The following ZC3H12B variants were observed in gnomAD, a reference collection of about 807,000 sequenced individuals.
The protein encoded by ZC3H12B is probable ribonuclease ZC3H12B.
ZC3H12B carries 7 observed loss-of-function variants against 43.9 expected under a neutral mutation model. The ratio of observed to expected loss-of-function variants is 0.16; its 90% CI spans 0.09 to 0.30. The LOEUF (loss-of-function observed/expected upper bound fraction) is 0.30. Ranked by LOEUF, ZC3H12B falls within the 10% of genes least tolerant of loss-of-function variation. The probability of loss-of-function intolerance (pLI) is 1.00; values close to 1 mark genes in which losing one functional copy is unlikely to be tolerated. For missense variants in ZC3H12B, 475 were observed against 670.2 expected (o/e 0.71, Z 3.22); for synonymous variants, 222 against 241.7 (o/e 0.92, Z 0.76).
At chrX:65,338,421 T>C in the ZC3H12B span, among the ~76,000 whole-genome samples, 1 of 111,975 alleles carries the variant, frequency 8.9e-6, no homozygotes, top group Non-Finnish European at 1.9e-5. Flanking sequence ...CACAGTTGAA[T>C]TCCATTAGAC....
chrX:65,295,938 A>G, the ZC3H12B span, among the ~76,000 whole-genome samples: 3 of 111,641 alleles, frequency 2.7e-5, no homozygotes, highest in Non-Finnish European at 5.7e-5. Flanking sequence ...AAATATATCC[A>G]GAAAGGGTGT....
At chrX:65,159,402 A>G in the ZC3H12B span, among the ~76,000 whole-genome samples, 1 of 111,930 alleles carries the variant, frequency 8.9e-6, no homozygotes, top group African/African-American at 3.2e-5. Context: ...ACCCATGAGC[A>G]TGGAATGTTC....
the ZC3H12B span, among the ~76,000 whole-genome samples, chrX:65,154,808 A>T: frequency 1.8e-5 from 2 of 111,812 alleles, no homozygotes; most frequent in Non-Finnish European, 3.8e-5. Flanking sequence ...TTACCACTGC[A>T]CTCCATCCTG....
chrX:65,118,870 A>G, the ZC3H12B span, among the ~76,000 whole-genome samples: 1 of 98,803 alleles, frequency 1.0e-5, no homozygotes, highest in East Asian at 3.4e-4. Context: ...TCATTGTTCA[A>G]TTCTCACCTA....
At chrX:65,304,534 T>A in the ZC3H12B span, among the ~76,000 whole-genome samples, 1 of 107,887 alleles carries the variant, frequency 9.3e-6, no homozygotes, top group Non-Finnish European at 1.9e-5. Context: ...GAGAATGGCG[T>A]GAACCCGGGA....
the ZC3H12B span, among the ~76,000 whole-genome samples, chrX:65,256,754 G>A: frequency 8.9e-6 from 1 of 111,983 alleles, no homozygotes; most frequent in Admixed American, 9.4e-5. Flanking sequence ...CCAGACGTTG[G>A]TTTGTTGAAA....
the ZC3H12B span, among the ~76,000 whole-genome samples, chrX:65,136,832 C>G: frequency 3.6e-5 from 4 of 111,436 alleles, no homozygotes; most frequent in African/African-American, 1.3e-4. Context: ...TTCATTTGTA[C>G]TTAGCAGGAG....
the ZC3H12B span, among the ~76,000 whole-genome samples, chrX:65,212,596 A>G: frequency 1.2e-5 from 1 of 82,185 alleles, no homozygotes; most frequent in African/African-American, 4.7e-5. Flanking sequence ...ATTATATATA[A>G]TATATAATTA....
At chrX:65,468,598 C>A (rs2067858400) in intron 3 of ZC3H12B, among the ~76,000 whole-genome samples, 2 of 104,694 alleles carry the variant, frequency 1.9e-5, no homozygotes, top group Non-Finnish European at 3.9e-5. Flanking sequence ...ATTCTCCTGC[C>A]TCAGCCTCCT....
At chrX:65,466,081 T>A (rs1309466969) in intron 3 of ZC3H12B, among the ~76,000 whole-genome samples, 1 of 110,552 alleles carries the variant, frequency 9.0e-6, no homozygotes, top group Non-Finnish European at 1.9e-5. Context: ...GTGATATTGT[T>A]GTACATTAGA....
At chrX:65,280,792 A>T in the ZC3H12B span, among the ~76,000 whole-genome samples, 3 of 111,935 alleles carry the variant, frequency 2.7e-5, no homozygotes, top group Admixed American at 9.5e-5. Flanking sequence ...TACAATAGCT[A>T]CCAAAAAAAT....
At chrX:65,188,848 A>T in the ZC3H12B span, among the ~76,000 whole-genome samples, 1 of 106,648 alleles carries the variant, frequency 9.4e-6, no homozygotes, top group Admixed American at 1.0e-4. Context: ...CACATTGTGC[A>T]GGTTAGATAC....
the ZC3H12B span, among the ~76,000 whole-genome samples, chrX:65,301,552 G>A: frequency 9.0e-6 from 1 of 110,803 alleles, no homozygotes; most frequent in African/African-American, 3.3e-5. Flanking sequence ...AATGGCATTT[G>A]CAGAAACCTG....
chrX:65,099,529 G>A, the ZC3H12B span, among the ~76,000 whole-genome samples: 1 of 111,764 alleles, frequency 8.9e-6, no homozygotes, highest in African/African-American at 3.3e-5. Flanking sequence ...CCAGAGGAAG[G>A]AGTAGGCAGC....
the ZC3H12B span, among the ~76,000 whole-genome samples, chrX:65,348,858 A>G: frequency 9.0e-6 from 1 of 111,596 alleles, no homozygotes; most frequent in Non-Finnish European, 1.9e-5. Flanking sequence ...AGGAGCATCA[A>G]GATTCATAGA....
intron 3 of ZC3H12B, among the ~76,000 whole-genome samples, chrX:65,449,655 C>T (rs1407252755): frequency 1.8e-5 from 2 of 110,686 alleles, no homozygotes; most frequent in South Asian, 7.7e-4. Flanking sequence ...GTCTACAACA[C>T]GGAATACTAC....
intron 3 of ZC3H12B, among the ~76,000 whole-genome samples, chrX:65,450,312 AAT>A (rs1330063272): frequency 5.8e-5 from 5 of 86,777 alleles, no homozygotes; most frequent in East Asian, 3.5e-4. Context: ...TCAAAAAAAA[AAT>A]ATATATATAT....
the ZC3H12B span, among the ~76,000 whole-genome samples, chrX:65,048,845 G>T: frequency 9.1e-6 from 1 of 110,387 alleles, no homozygotes; most frequent in Non-Finnish European, 1.9e-5. Context: ...TTTTTGTTTT[G>T]TTTTGTTTTA....
intron 2 of ZC3H12B, among the ~76,000 whole-genome samples, chrX:65,498,318 AGTC>A (rs1484994232): frequency 1.8e-5 from 2 of 111,951 alleles, no homozygotes; most frequent in Non-Finnish European, 3.8e-5. Flanking sequence ...CATTTACAAC[AGTC>A]TTCTGAGCAT....
Sources: allele counts gnomAD v4.1 joint callset (sites outside exome capture counted in the v4.1 genomes callset), GRCh38; gene constraint gnomAD v4.1.1; transcripts MANE v1.5; gene names NCBI Gene and HGNC (gene_info 2026-07-23, HGNC 2026-07-21).